TCHP: variants seen among roughly 807,000 people sequenced by gnomAD.
TCHP encodes the protein trichoplein keratin filament binding.
A neutral mutation model predicts 88.7 loss-of-function variants in TCHP; 81 were observed. That is an observed-to-expected ratio of 0.91 (90% CI 0.76 to 1.10). TCHP has a LOEUF of 1.10. Ranked by LOEUF, TCHP falls within the 50% of genes least tolerant of loss-of-function variation. TCHP has a pLI of 0.00. For missense variants in TCHP, 641 were observed against 632.1 expected, an observed-to-expected ratio of 1.01 and a Z score of -0.15; for synonymous variants, 232 against 232.5, an observed-to-expected ratio of 1.00 and a Z score of 0.02.
the TCHP span, among the ~76,000 whole-genome samples, chr12:109,892,861 G>T: frequency 6.6e-6 from 1 of 152,320 alleles, no homozygotes; most frequent in Non-Finnish European, 1.5e-5. Flanking sequence ...GGACAATCAA[G>T]GTTCAGTAAC....
Position 109,906,533 on chromosome 12 carries a change from CTGG to C in TCHP, c.457-36_457-34del, listed in dbSNP as rs1454819957. On this transcript the variant is annotated intron_variant, in intron 4 of 12. Coordinates refer to ENST00000405876, the MANE Select transcript of TCHP (RefSeq NM_001143852.2). ...CACTGTCCCCACAGTGCCCATCTGT[CTGG>C]TGAGGAAATTCACATCGTCCCCCTT... 17 of 1,602,912 alleles carry C rather than the reference CTGG, an allele frequency of 1.1e-5. No homozygotes were observed. The Admixed American group carries it at 2.8e-4, about 27-fold the overall frequency.
the TCHP span, among the ~76,000 whole-genome samples, chr12:109,889,660 G>A: frequency 6.6e-6 from 1 of 152,208 alleles, no homozygotes; most frequent in Non-Finnish European, 1.5e-5. Context: ...TGTCAGGGCT[G>A]ATGTGAGATT....
At chr12:109,891,911 T>A in the TCHP span, among the ~76,000 whole-genome samples, 2 of 152,182 alleles carry the variant, frequency 1.3e-5, no homozygotes, top group South Asian at 2.1e-4. Flanking sequence ...GGTTTCACCA[T>A]ATTGGCCAAG....
In TCHP at chr12:109,907,848, A is replaced by G. The variant is rs978200705; in HGVS notation, c.699+149A>G. The G allele has an allele frequency of 3.5e-5, 28 of 808,566 alleles. No individual in the cohort carries two copies. In the African/African-American group the frequency reaches 4.2e-4, roughly 12 times the overall value. The allele number at this position is 808,566 out of a possible 1,614,324, so 50.1% of individuals were successfully genotyped here. A position where few individuals can be genotyped will look rare whatever the true frequency, so the allele number is the denominator to read the frequency against. ...CAGCCGGGTTCTCCCTCTCACATGC[A>G]TCCCCATCTGCCTTGTGCTTTCCCA... is the stretch of plus-strand genomic sequence containing the variant. On this transcript the variant is annotated intron_variant, in intron 6 of 12. Coordinates refer to ENST00000405876, the MANE Select transcript of TCHP (RefSeq NM_001143852.2).
At chr12:109,914,410 C>T in intron 10 of TCHP, 32 bp from the exon 11 acceptor site, 1 of 1,587,710 alleles carries the variant, frequency 6.3e-7, no homozygotes. Flanking sequence ...GGGTCAACCT[C>T]AAAGCTGCCC....
At chr12:109,880,720 C>G in the TCHP span, 1 of 152,098 alleles carries the variant, frequency 6.6e-6, no homozygotes, top group Non-Finnish European at 1.5e-5. The surrounding 1 kb of genome is among the most constrained non-coding windows in gnomAD (Gnocchi z 5.1). Context: ...CCAAGTGAGC[C>G]GCTCCCAGGT....
At chr12:109,913,154 A>G in intron 10 of TCHP, 82 bp downstream of exon 10, 1 of 1,278,654 alleles carries the variant, frequency 7.8e-7, no homozygotes, top group Non-Finnish European at 1.1e-6. Flanking sequence ...ACCCTGCCAG[A>G]TGCTCTGGGA....
chr12:109,907,824 A>G (rs1010708625), intron 6 of TCHP, 125 bp downstream of exon 6: 16 of 1,079,974 alleles, frequency 1.5e-5, no homozygotes, highest in Non-Finnish European at 2.1e-5. Flanking sequence ...GGGCGGCAGC[A>G]GCCGGGTTCT....
intron 10 of TCHP, among the ~76,000 whole-genome samples, chr12:109,913,389 A>G (rs1224711422): frequency 6.6e-6 from 1 of 152,184 alleles, no homozygotes; most frequent in Non-Finnish European, 1.5e-5. Context: ...TTTGGCTTCA[A>G]GCGTTGTGAC....
upstream of TCHP, chr12:109,900,159 C>T (rs2136063199): frequency 1.3e-5 from 2 of 152,320 alleles, 1 homozygote; most frequent in South Asian, 4.1e-4. Context: ...TCCATGCTTC[C>T]CTATTTCAAG....
intron 1 of TCHP, chr12:109,901,142 T>TGGTCCCAACAGGCAGCCC (rs1869767307): frequency 6.6e-6 from 1 of 152,220 alleles, no homozygotes; most frequent in Non-Finnish European, 1.5e-5. Context: ...CAGGGCAGGT[T>TGGTCCCAACAGGCAGCCC]GGTCCCAACA....
chr12:109,892,579 G>A, the TCHP span, among the ~76,000 whole-genome samples: 4 of 152,200 alleles, frequency 2.6e-5, no homozygotes, highest in Admixed American at 6.5e-5. Context: ...TTAGGAAGTA[G>A]AGGTTGTCTG....
At chr12:109,907,158 G>A (rs770832097) in intron 5 of TCHP, among the ~76,000 whole-genome samples, 1 of 152,232 alleles carries the variant, frequency 6.6e-6, no homozygotes, top group Non-Finnish European at 1.5e-5. Context: ...AAAGTGCTGG[G>A]ATTACAGGCG....
the TCHP span, among the ~76,000 whole-genome samples, chr12:109,885,487 T>G: frequency 6.7e-6 from 1 of 148,716 alleles, no homozygotes; most frequent in South Asian, 2.2e-4. Flanking sequence ...GGTTTTTTTT[T>G]TTTTTTTTTT....
At position 109,915,377 on chromosome 12, in the gene TCHP, G is replaced by A. The variant is rs200022479; in HGVS notation, c.1321-26G>A. On this transcript the variant is annotated intron_variant, in intron 11 of 12. Coordinates refer to ENST00000405876, the MANE Select transcript of TCHP (RefSeq NM_001143852.2). Reference sequence around the variant, plus strand: ...TCTGCCCTGTGGGCCTTGTCTTGGGGTGGTGACTTTGCTCTTGGCACTCAG... The same window carrying A: ...TCTGCCCTGTGGGCCTTGTCTTGGGATGGTGACTTTGCTCTTGGCACTCAG... The A allele has an allele frequency of 1.1e-5, 18 of 1,613,950 alleles. No individual in the cohort carries two copies. The South Asian group carries it at 1.9e-4, about 17-fold the overall frequency.
chr12:109,906,482 C>A (rs2271319), intron 4 of TCHP, 90 bp from the exon 5 acceptor site: 114,742 of 1,276,236 alleles, frequency 0.09, 10,212 homozygotes, highest in African/African-American at 0.45. Flanking sequence ...GCCACGTTCC[C>A]GCAGGTGGCA....
chr12:109,890,635 G>A, the TCHP span, among the ~76,000 whole-genome samples: 1 of 151,244 alleles, frequency 6.6e-6, no homozygotes, highest in Non-Finnish European at 1.5e-5. Context: ...TCAGCCTCCC[G>A]AGTAGCTGGG....
chr12:109,906,082 C>T (rs1870108738), intron 4 of TCHP, among the ~76,000 whole-genome samples: 2 of 152,218 alleles, frequency 1.3e-5, no homozygotes, highest in East Asian at 1.9e-4. Context: ...TGTCTGCGCT[C>T]AAATCTCTTA....
At chr12:109,893,580 CCTT>C in the TCHP span, among the ~76,000 whole-genome samples, 885 of 152,226 alleles carry the variant, frequency 5.8e-3, 7 homozygotes, top group African/African-American at 0.02. Context: ...GACCAGGTGT[CCTT>C]CTCCCAGGAA....
Sources: allele counts gnomAD v4.1 joint callset (sites outside exome capture counted in the v4.1 genomes callset), GRCh38; gene constraint gnomAD v4.1.1; non-coding constraint Gnocchi (gnomAD v3.1); transcripts MANE v1.5; gene names NCBI Gene and HGNC (gene_info 2026-07-23, HGNC 2026-07-21).